Variants in NFS1 observed in about 807,000 individuals in gnomAD.
NFS1 encodes the protein cysteine desulfurase.
Under a neutral mutation model 57.3 loss-of-function variants are expected in NFS1, and 26 were observed. The ratio of observed to expected loss-of-function variants is 0.45; its 90% CI spans 0.33 to 0.63. The LOEUF (loss-of-function observed/expected upper bound fraction) is 0.63. NFS1 is among the 20% of genes least tolerant of loss of function. The pLI is 0.02. For missense variants in NFS1, 505 were observed against 605.8 expected (o/e 0.83, Z 1.75); for synonymous variants, 209 against 216.3 (o/e 0.97, Z 0.30).
In NFS1 at chr20:35,697,726, A is replaced by T. The variant is rs200222488; in HGVS notation, c.282T>A (p.Ala94=). The change falls in exon 3 of 13, where the codon GCT becomes GCA. Residue 94 remains alanine, a synonymous_variant. Coordinates refer to ENST00000374092, the MANE Select transcript of NFS1 (RefSeq NM_021100.5). ...YYGNPHSRTH[A]YGWESEAAME... ...TGGCTGCCTCACTCTCCCAGCCATA[A>T]GCATGTGTCCGGGAGTGTGGGTTCC... 6 of 1,614,010 alleles carry T rather than the reference A, an allele frequency of 3.7e-6. No individual in the cohort carries two copies. The highest frequency in any genetic ancestry group is 3.3e-4 in the Middle Eastern group (2 of 6,060).
intron 12 of NFS1, 99 bp downstream of exon 12, chr20:35,672,656 T>C (rs1272758700): frequency 3.8e-6 from 3 of 795,352 alleles, no homozygotes; most frequent in East Asian, 5.2e-5. Flanking sequence ...CCAAGTACGC[T>C]TGAACTTTGG....
At chr20:35,691,679 T>C (rs565076318) in intron 4 of NFS1, among the ~76,000 whole-genome samples, 6 of 135,480 alleles carry the variant, frequency 4.4e-5, no homozygotes, top group Non-Finnish European at 7.6e-5. Flanking sequence ...AGGCAGAGGT[T>C]GCAGTGAGCC....
At chr20:35,680,981 A>T in intron 6 of NFS1, 110 bp from the exon 7 acceptor site, 1 of 889,318 alleles carries the variant, frequency 1.1e-6, no homozygotes, top group Non-Finnish European at 1.6e-6. Flanking sequence ...TAAATATTAA[A>T]CTCCTCCCCT....
At chr20:35,696,267 T>C in intron 4 of NFS1, 110 bp downstream of exon 4, 2 of 746,828 alleles carry the variant, frequency 2.7e-6, no homozygotes, top group South Asian at 3.1e-5. Flanking sequence ...CTCTTCACAA[T>C]GGGGTGGGGA....
chr20:35,687,029 G>A (rs1036723725), intron 5 of NFS1, among the ~76,000 whole-genome samples: 2 of 152,222 alleles, frequency 1.3e-5, no homozygotes, highest in Non-Finnish European at 2.9e-5. Flanking sequence ...GGCCACCAGA[G>A]GGCTCCTTGG....
chr20:35,676,774 AAAAAAAAAAAAC>A lies in NFS1; in HGVS notation c.791-1584_791-1573del, dbSNP rs1246552715. 1.9e-4 allele frequency among the ~76,000 whole-genome samples: 29 copies of A among 148,910 alleles called. No homozygotes were observed. The East Asian group carries it at 5.2e-3, about 27-fold the overall frequency. ...AGAAAATCAGAAAAAAAAAAAAAAA[AAAAAAAAAAAAC>A]CAAGAAAGAAATTACCTCCCCAGAA... On this transcript the variant is annotated intron_variant, in intron 7 of 12. Transcript: ENST00000374092.
intron 5 of NFS1, among the ~76,000 whole-genome samples, chr20:35,683,137 A>G (rs1291149302): frequency 6.6e-6 from 1 of 151,992 alleles, no homozygotes; most frequent in East Asian, 1.9e-4. Context: ...CCAATCCCAG[A>G]AGGTTACATA....
intron 2 of NFS1, among the ~76,000 whole-genome samples, chr20:35,698,205 C>T (rs997932100): frequency 3.9e-5 from 6 of 152,226 alleles, no homozygotes; most frequent in African/African-American, 7.2e-5. Context: ...TCCAAGTTCA[C>T]ACAGTTACTA....
At chr20:35,685,596 C>T (rs973400791) in intron 5 of NFS1, among the ~76,000 whole-genome samples, 4 of 148,002 alleles carry the variant, frequency 2.7e-5, no homozygotes, top group East Asian at 2.0e-4. Flanking sequence ...CAGTGGCTCA[C>T]GCCTGTAATC....
chr20:35,694,019 G>A (rs576197758), intron 4 of NFS1, among the ~76,000 whole-genome samples: 7 of 152,008 alleles, frequency 4.6e-5, no homozygotes, highest in African/African-American at 1.4e-4. Flanking sequence ...GCTAGTACAC[G>A]CCTGTAAGCC....
intron 5 of NFS1, among the ~76,000 whole-genome samples, chr20:35,685,865 CAAA>C (rs72491026): frequency 9.0e-5 from 6 of 66,584 alleles, no homozygotes; most frequent in Admixed American, 3.2e-4. Context: ...TACCCCCCCG[CAAA>C]AAAAAAAAAA....
chr20:35,684,411 T>TA (rs1555884193), intron 5 of NFS1, among the ~76,000 whole-genome samples: 2 of 124,362 alleles, frequency 1.6e-5, no homozygotes, highest in African/African-American at 7.0e-5. Context: ...CCATCTCAAA[T>TA]AAATAAAATA....
intron 10 of NFS1, 67 bp from the exon 11 acceptor site, chr20:35,673,751 G>T: frequency 7.6e-7 from 1 of 1,315,032 alleles, no homozygotes. Context: ...CAAACCCTCA[G>T]TCTTGTTCCC....
chr20:35,690,646 G>C, intron 4 of NFS1, 81 bp from the exon 5 acceptor site: 3 of 1,445,834 alleles, frequency 2.1e-6, no homozygotes, highest in Non-Finnish European at 2.9e-6. Context: ...TAAAGGAAAA[G>C]TGGGCAAGAA....
chr20:35,669,382 G>C lies in NFS1; in HGVS notation c.*240C>G. 2.3e-6 allele frequency: 1 copy of C among 437,514 alleles called. No homozygotes were observed. The highest frequency in any genetic ancestry group is 3.6e-5 in the Admixed American group (1 of 27,432). 27.1% of individuals were successfully genotyped at this position (437,514 alleles called of 1,614,324 possible). A position where few individuals can be genotyped will look rare whatever the true frequency, so the allele number is the denominator to read the frequency against. On this transcript the variant is annotated 3_prime_UTR_variant, in exon 13 of 13. Coordinates refer to ENST00000374092, the MANE Select transcript of NFS1 (RefSeq NM_021100.5). ...TGACAGCAAATGTCTCTATGGCTTC[G>C]GGATGAAAATGTCCACACACTTTAA...
intron 5 of NFS1, among the ~76,000 whole-genome samples, chr20:35,689,247 G>T (rs1229499745): frequency 6.6e-6 from 1 of 152,188 alleles, no homozygotes; most frequent in Non-Finnish European, 1.5e-5. Flanking sequence ...CAGCACTCTG[G>T]GAGTCCGAGA....
At position 35,681,770 on chromosome 20, in the gene NFS1, T is replaced by G. The variant is rs566234544; in HGVS notation, c.655+118A>C. The stretch of plus-strand genomic sequence containing the variant: ...ACACTTCCAATGTCCTTGAACAAAG[T>G]ACTTAGGCTTTCCCTTGATTTCCTA... On this transcript the variant is annotated intron_variant, in intron 6 of 12. Coordinates refer to ENST00000374092, the MANE Select transcript of NFS1 (RefSeq NM_021100.5). 7 of 586,090 alleles carry G rather than the reference T, an allele frequency of 1.2e-5. No individual in the cohort carries two copies. In the South Asian group the frequency reaches 1.2e-4, roughly 10 times the overall value. The allele number at this position is 586,090 out of a possible 1,614,324, so 36.3% of individuals were successfully genotyped here. A position where few individuals can be genotyped will look rare whatever the true frequency, so the allele number is the denominator to read the frequency against.
At chr20:35,679,373 G>A (rs1279757195) in intron 7 of NFS1, among the ~76,000 whole-genome samples, 11 of 152,094 alleles carry the variant, frequency 7.2e-5, no homozygotes, top group African/African-American at 2.4e-4. Context: ...TAGTAGAGAC[G>A]GGGGTTCACC....
At chr20:35,674,691 C>A (rs986845826) in intron 8 of NFS1, 74 bp from the exon 9 acceptor site, 14 of 1,171,584 alleles carry the variant, frequency 1.2e-5, no homozygotes, top group Admixed American at 1.8e-5. Context: ...AAGCCCTTCT[C>A]CTATAACTGG....
Sources: allele counts gnomAD v4.1 joint callset (sites outside exome capture counted in the v4.1 genomes callset), GRCh38; gene constraint gnomAD v4.1.1; transcripts MANE v1.5; gene names NCBI Gene and HGNC (gene_info 2026-07-23, HGNC 2026-07-21).